The following HSD17B11 variants were observed in gnomAD, a reference collection of about 807,000 sequenced individuals.
The protein encoded by HSD17B11 is hydroxysteroid 17-beta dehydrogenase 11.
In HSD17B11, 22 loss-of-function variants were observed where a neutral mutation model predicts 27.8. The observed-to-expected ratio is 0.79, with a 90% CI of 0.56 to 1.13. The LOEUF is 1.13. HSD17B11 is among the 50% of genes most tolerant of loss of function. HSD17B11 has a pLI of 0.00. For missense variants in HSD17B11, 314 were observed against 351.1 expected (o/e 0.89, Z 0.84); for synonymous variants, 117 against 132.8 (o/e 0.88, Z 0.82).
chr4:87,378,946 A>T (rs1442819353), intron 2 of HSD17B11, among the ~76,000 whole-genome samples: 3 of 23,388 alleles, frequency 1.3e-4, no homozygotes, highest in African/African-American at 3.7e-4. Context: ...ATATATATAT[A>T]TTTATATATA....
intron 1 of HSD17B11, among the ~76,000 whole-genome samples, chr4:87,383,967 CAG>C (rs1400863966): frequency 1.3e-5 from 2 of 152,050 alleles, no homozygotes; most frequent in Non-Finnish European, 2.9e-5. Context: ...CATTTATCCA[CAG>C]AGAGGATGGT....
intron 1 of HSD17B11, among the ~76,000 whole-genome samples, chr4:87,390,318 G>A (rs774351321): frequency 1.2e-4 from 19 of 152,184 alleles, no homozygotes; most frequent in African/African-American, 4.1e-4. Flanking sequence ...CACCACGCCC[G>A]GCTAATTTTT....
chr4:87,338,081 G>A (rs909364047), intron 6 of HSD17B11, among the ~76,000 whole-genome samples: 1 of 152,194 alleles, frequency 6.6e-6, no homozygotes, highest in Non-Finnish European at 1.5e-5. Context: ...GCCAGGCATG[G>A]TGGCGGGTGC....
At chr4:87,376,024 G>A (rs1028558406) in intron 2 of HSD17B11, among the ~76,000 whole-genome samples, 6 of 152,102 alleles carry the variant, frequency 3.9e-5, no homozygotes, top group Admixed American at 1.3e-4. Context: ...ACTAATACAA[G>A]TTCCTTGTGA....
At chr4:87,389,175 T>C (rs1720391132) in intron 1 of HSD17B11, among the ~76,000 whole-genome samples, 1 of 152,210 alleles carries the variant, frequency 6.6e-6, no homozygotes, top group South Asian at 2.1e-4. Context: ...CTGGGTTGTA[T>C]TTTTCATTGC....
chr4:87,364,085 G>C (rs578177629), intron 4 of HSD17B11, among the ~76,000 whole-genome samples: 2 of 152,248 alleles, frequency 1.3e-5, no homozygotes, highest in East Asian at 3.9e-4. Flanking sequence ...TTCTCTTCTT[G>C]AAGCTTGTTT....
intron 5 of HSD17B11, among the ~76,000 whole-genome samples, chr4:87,344,953 A>G (rs1735242519): frequency 6.6e-6 from 1 of 152,200 alleles, no homozygotes; most frequent in Admixed American, 6.5e-5. Flanking sequence ...AACATAAATG[A>G]GAACACAACA....
chr4:87,367,377 T>C (rs917558168), intron 4 of HSD17B11, among the ~76,000 whole-genome samples: 105 of 152,314 alleles, frequency 6.9e-4, no homozygotes, highest in African/African-American at 2.4e-3. Context: ...CCAAGTTAAC[T>C]TGGGACCTCA....
intron 4 of HSD17B11, among the ~76,000 whole-genome samples, chr4:87,370,130 G>A (rs987906278): frequency 3.9e-5 from 6 of 152,140 alleles, no homozygotes; most frequent in Admixed American, 6.6e-5. Flanking sequence ...GATGAGGGCT[G>A]AATTACAGGG....
intron 4 of HSD17B11, among the ~76,000 whole-genome samples, chr4:87,358,428 C>T (rs1398050093): frequency 6.6e-6 from 1 of 152,106 alleles, no homozygotes; most frequent in Non-Finnish European, 1.5e-5. Context: ...ATTTTAACAG[C>T]TCTTTCATTT....
chr4:87,358,953 G>A (rs1041102110), intron 4 of HSD17B11, among the ~76,000 whole-genome samples: 2 of 152,092 alleles, frequency 1.3e-5, no homozygotes, highest in Admixed American at 1.3e-4. Flanking sequence ...TGGATCGTGG[G>A]GGCAGTTTTC....
intron 4 of HSD17B11, among the ~76,000 whole-genome samples, chr4:87,365,621 CCTTA>C (rs1482133298): frequency 6.6e-6 from 1 of 151,992 alleles, no homozygotes; most frequent in Non-Finnish European, 1.5e-5. Flanking sequence ...AATTAAAATC[CCTTA>C]CTTAACCAAC....
chr4:87,389,254 C>T (rs371459751), intron 1 of HSD17B11, among the ~76,000 whole-genome samples: 4 of 152,198 alleles, frequency 2.6e-5, no homozygotes, highest in African/African-American at 9.6e-5. Context: ...CAGAGTTTTG[C>T]TCTTGTTGCC....
chr4:87,340,785 A>G (rs1735152224), intron 5 of HSD17B11, among the ~76,000 whole-genome samples, 179 bp from the exon 6 acceptor site: 1 of 152,212 alleles, frequency 6.6e-6, no homozygotes, highest in Non-Finnish European at 1.5e-5. Flanking sequence ...AATAATAACA[A>G]TCATTCACTT....
intron 5 of HSD17B11, among the ~76,000 whole-genome samples, chr4:87,342,261 A>T (rs1735183022): frequency 6.6e-6 from 1 of 151,980 alleles, no homozygotes; most frequent in Non-Finnish European, 1.5e-5. Context: ...AGGCACCTGT[A>T]ATTCCAGCTA....
At chr4:87,369,627 A>T (rs574038645) in intron 4 of HSD17B11, among the ~76,000 whole-genome samples, 73 of 152,132 alleles carry the variant, frequency 4.8e-4, no homozygotes, top group African/African-American at 1.7e-3. Flanking sequence ...TAGAGATGAG[A>T]TCTTGCTATG....
chr4:87,361,518 G>A (rs1369360331), intron 4 of HSD17B11, among the ~76,000 whole-genome samples: 4 of 152,122 alleles, frequency 2.6e-5, no homozygotes, highest in East Asian at 1.9e-4. Context: ...CTGTAATCCT[G>A]GCACTCTGGG....
chr4:87,363,762 G>A (rs747128488), intron 4 of HSD17B11, among the ~76,000 whole-genome samples: 4 of 152,354 alleles, frequency 2.6e-5, no homozygotes, highest in East Asian at 1.9e-4. Context: ...CTGTAGCTCA[G>A]TAGCTAAGGT....
At chr4:87,382,161 A>C in intron 2 of HSD17B11, 94 bp downstream of exon 2, 1 of 871,572 alleles carries the variant, frequency 1.1e-6, no homozygotes, top group African/African-American at 1.7e-5. Context: ...AACATTTCTC[A>C]GGTACTTCAT....
Sources: allele counts gnomAD v4.1 joint callset (sites outside exome capture counted in the v4.1 genomes callset), GRCh38; gene constraint gnomAD v4.1.1; transcripts MANE v1.5; gene names NCBI Gene and HGNC (gene_info 2026-07-23, HGNC 2026-07-21).